Variants in P3H2 observed in about 807,000 individuals in gnomAD.
The protein encoded by P3H2 is prolyl 3-hydroxylase 2.
In P3H2, 80 loss-of-function variants were observed where a neutral mutation model predicts 87.0. The ratio of observed to expected loss-of-function variants is 0.92; its 90% confidence interval spans 0.77 to 1.11. P3H2 has a LOEUF of 1.11. Ranked by LOEUF, P3H2 falls within the 50% of genes least tolerant of loss-of-function variation. P3H2 has a pLI of 0.00. For synonymous variants in P3H2, 367 were observed against 359.3 expected (o/e 1.02, Z -0.24); for missense variants, 1,001 against 923.9 (o/e 1.08, Z -1.08).
At chr3:190,008,386 G>A (rs566191641) in intron 1 of P3H2, among the ~76,000 whole-genome samples, 43 of 152,104 alleles carry the variant, frequency 2.8e-4, no homozygotes, top group African/African-American at 8.9e-4. Flanking sequence ...CCAGAATAAC[G>A]CAAATTAAAG....
Position 189,994,106 on chromosome 3 carries a change from C to CAT in P3H2, c.809_810dup (p.Glu271MetfsTer19), listed in dbSNP as rs1277189781. ...ATTAAGCTTTTACCTGCAATAGCTT[C>CAT]ATACAGACCAGCCTTATACCCTAAA... On this transcript the variant is annotated frameshift_variant, in exon 3 of 15. Coordinates refer to ENST00000319332, the MANE Select transcript of P3H2 (RefSeq NM_018192.4). LOFTEE classifies it high-confidence loss of function. 2 of 1,611,972 alleles carry CAT rather than the reference C, an allele frequency of 1.2e-6. No homozygotes were observed. Among genetic ancestry groups the CAT allele is most frequent in the South Asian group, 2.2e-5 (2 of 90,928 alleles).
Position 189,957,386 on chromosome 3 carries a change from G to C in P3H2, c.*526C>G, listed in dbSNP as rs997443247. Reference sequence around the variant, plus strand: ...AACTGGAGCACACGTGAGAGTTGTAGTTTCACCACCAAGAAGCTTATTCTC... The same window carrying C: ...AACTGGAGCACACGTGAGAGTTGTACTTTCACCACCAAGAAGCTTATTCTC... On this transcript the variant is annotated 3_prime_UTR_variant, in exon 15 of 15. Transcript: ENST00000319332. 2.5e-6 allele frequency: 1 copy of C among 399,610 alleles called. No individual in the cohort carries two copies. Among genetic ancestry groups the C allele is most frequent in the South Asian group, 1.3e-4 (1 of 7,934 alleles). 24.8% of individuals were successfully genotyped at this position (399,610 alleles called of 1,614,324 possible). A position where few individuals can be genotyped will look rare whatever the true frequency, so the allele number is the denominator to read the frequency against.
At chr3:190,049,134 A>G (rs1041673826) in intron 1 of P3H2, among the ~76,000 whole-genome samples, 1 of 152,234 alleles carries the variant, frequency 6.6e-6, no homozygotes, top group African/African-American at 2.4e-5. Context: ...CAGAAGAGGA[A>G]GAAAAACTGC....
chr3:189,965,489 CTGAAGAG>C (rs1722947924), intron 13 of P3H2, among the ~76,000 whole-genome samples: 1 of 152,178 alleles, frequency 6.6e-6, no homozygotes, highest in South Asian at 2.1e-4. Flanking sequence ...CTCACAATAA[CTGAAGAG>C]TGATTTGTCT....
chr3:190,088,356 G>GCT (rs1486888296), intron 1 of P3H2, among the ~76,000 whole-genome samples: 1 of 152,208 alleles, frequency 6.6e-6, no homozygotes, highest in African/African-American at 2.4e-5. Flanking sequence ...TCTAGGGAGA[G>GCT]AAGGCAGGTT....
intron 1 of P3H2, among the ~76,000 whole-genome samples, chr3:190,029,066 T>G (rs1467031674): frequency 3.3e-5 from 5 of 152,236 alleles, no homozygotes; most frequent in Non-Finnish European, 5.9e-5. Context: ...TCTCTGGTTC[T>G]TGCCAAATTC....
chr3:190,082,409 GCCCA>G (rs1329746077), intron 1 of P3H2, among the ~76,000 whole-genome samples: 1 of 152,056 alleles, frequency 6.6e-6, no homozygotes, highest in Non-Finnish European at 1.5e-5. Flanking sequence ...TAATAATAAT[GCCCA>G]CCCAAAGATT....
chr3:189,967,865 T>G (rs1723049710), intron 13 of P3H2, among the ~76,000 whole-genome samples: 1 of 152,228 alleles, frequency 6.6e-6, no homozygotes, highest in Non-Finnish European at 1.5e-5. Flanking sequence ...TTTTTGATAT[T>G]ACCTGCTTAT....
Position 190,120,435 on chromosome 3 carries a change from G to GGGGGGC in P3H2, c.291_296dup (p.Pro98_Pro99dup), listed in dbSNP as rs751349719. 103 of 1,443,022 alleles carry GGGGGGC rather than the reference G, an allele frequency of 7.1e-5. No individual in the cohort carries two copies. Among genetic ancestry groups the GGGGGGC allele is most frequent in the Admixed American group, 1.9e-4 (7 of 36,318 alleles). 89.4% of individuals were successfully genotyped at this position (1,443,022 alleles called of 1,614,324 possible). A position where few individuals can be genotyped will look rare whatever the true frequency, so the allele number is the denominator to read the frequency against. On this transcript the variant is annotated inframe_insertion, in exon 1 of 15. Transcript: ENST00000319332. ...GCAGCTCAGCGCCGGGGCCCTCGCC[G>GGGGGGC]GGGGGCGGGGGCGGGAGCGGGTGGC...
At chr3:190,050,699 T>C (rs565007439) in intron 1 of P3H2, among the ~76,000 whole-genome samples, 10 of 152,184 alleles carry the variant, frequency 6.6e-5, no homozygotes, top group Admixed American at 3.9e-4. Context: ...ATTTTATTCG[T>C]CCTTCATGAC....
Position 189,986,669 on chromosome 3 carries a change from G to A in P3H2, c.1188+119C>T. On this transcript the variant is annotated intron_variant, in intron 6 of 14. Coordinates refer to ENST00000319332, the MANE Select transcript of P3H2 (RefSeq NM_018192.4). ...CTCCCACCCCCAATTTTTACCTCAA[G>A]GAGGGCATCGAAATCTTAGCTTTTT... The A allele has an allele frequency of 8.0e-6, 6 of 750,194 alleles. No homozygotes were observed. The South Asian group carries it at 8.9e-5, about 11-fold the overall frequency. The allele number at this position is 750,194 out of a possible 1,614,324, so 46.5% of individuals were successfully genotyped here.
intron 1 of P3H2, among the ~76,000 whole-genome samples, chr3:190,009,319 C>T (rs377362505): frequency 5.0e-4 from 76 of 152,264 alleles, no homozygotes; most frequent in African/African-American, 1.7e-3. Context: ...AATTTCCTTC[C>T]AGAAACATCT....
At chr3:190,092,425 A>G (rs1390269032) in intron 1 of P3H2, among the ~76,000 whole-genome samples, 1 of 152,248 alleles carries the variant, frequency 6.6e-6, no homozygotes, top group East Asian at 1.9e-4. Flanking sequence ...CCCTCCAAGA[A>G]GACAGTTGCT....
intron 1 of P3H2, among the ~76,000 whole-genome samples, chr3:190,075,481 G>A (rs1261544605): frequency 4.7e-4 from 64 of 137,480 alleles, no homozygotes; most frequent in African/African-American, 1.6e-3. Context: ...GGGAAACTCC[G>A]TCTCAAAAAA....
intron 14 of P3H2, among the ~76,000 whole-genome samples, chr3:189,958,460 T>G (rs1322829743): frequency 6.6e-6 from 1 of 152,196 alleles, no homozygotes; most frequent in Non-Finnish European, 1.5e-5. Context: ...TCTCTGCCCC[T>G]TTCTCCTCAA....
At chr3:190,019,785 A>AAAAAAAATAT (rs1219688564) in intron 1 of P3H2, among the ~76,000 whole-genome samples, 1 of 37,390 alleles carries the variant, frequency 2.7e-5, no homozygotes, top group African/African-American at 6.6e-5. Context: ...GAAATTAAAA[A>AAAAAAAATAT]ATATATATAT....
chr3:189,993,322 C>CA (rs11337333), intron 3 of P3H2, among the ~76,000 whole-genome samples: 7,444 of 124,708 alleles, frequency 0.06, 266 homozygotes, highest in Middle Eastern at 0.18. Context: ...AACTCTGTCT[C>CA]AAAAAAAAAA....
intron 1 of P3H2, among the ~76,000 whole-genome samples, chr3:190,025,489 GCCTC>G (rs10561240): frequency 0.022 from 3,420 of 152,094 alleles, 119 homozygotes; most frequent in African/African-American, 0.077. Context: ...ACCTCTCTGT[GCCTC>G]ATTTTCCCCA....
At chr3:190,070,459 T>G (rs534989469) in intron 1 of P3H2, among the ~76,000 whole-genome samples, 37 of 152,230 alleles carry the variant, frequency 2.4e-4, no homozygotes, top group South Asian at 8.3e-4. Flanking sequence ...CCTGAAGTCA[T>G]AAAAATGTGA....
Sources: gnomAD v4.1 joint callset for allele counts (sites outside exome capture counted in the v4.1 genomes callset) on GRCh38, gnomAD v4.1.1 for gene constraint, MANE v1.5 for transcripts, NCBI Gene and HGNC (gene_info 2026-07-23, HGNC 2026-07-21) for gene names.